Variants in RSRC1 observed in about 807,000 individuals in gnomAD.
RSRC1 encodes the protein arginine and serine rich coiled-coil 1.
Under a neutral mutation model 49.1 loss-of-function variants are expected in RSRC1, and 39 were observed. The ratio of observed to expected loss-of-function variants is 0.79; its 90% CI spans 0.61 to 1.04. The LOEUF (loss-of-function observed/expected upper bound fraction) is 1.04. Among genes scored for constraint, RSRC1 ranks in the 50% least tolerant of loss-of-function variants. The probability of loss-of-function intolerance (pLI) is 0.00; values close to 1 mark genes in which losing one functional copy is unlikely to be tolerated. For synonymous variants in RSRC1, 143 were observed against 130.8 expected, an observed-to-expected ratio of 1.09 and a Z score of -0.63; for missense variants, 388 against 402.4, an observed-to-expected ratio of 0.96 and a Z score of 0.31.
At chr3:158,251,473 T>C (rs1724205874) in intron 4 of RSRC1, among the ~76,000 whole-genome samples, 1 of 152,194 alleles carries the variant, frequency 6.6e-6, no homozygotes, top group Non-Finnish European at 1.5e-5. Flanking sequence ...TCCATTTTGT[T>C]ATGTCCTCTT....
At chr3:158,445,782 T>C (rs1736676988) in intron 6 of RSRC1, among the ~76,000 whole-genome samples, 3 of 152,166 alleles carry the variant, frequency 2.0e-5, no homozygotes, top group Non-Finnish European at 2.9e-5. Context: ...GACTATATTC[T>C]TTGATCCTTA....
intron 7 of RSRC1, chr3:158,497,082 G>A (rs1424379974): frequency 4.6e-5 from 7 of 151,988 alleles, no homozygotes; most frequent in South Asian, 2.1e-4. Context: ...AAATCTTACC[G>A]TCTTAACCAT....
chr3:158,281,681 C>G (rs1726179705), intron 4 of RSRC1, among the ~76,000 whole-genome samples: 1 of 152,146 alleles, frequency 6.6e-6, no homozygotes, highest in South Asian at 2.1e-4. Flanking sequence ...GGCTTATCAA[C>G]ATGAATATGA....
chr3:158,266,829 A>T (rs1446259764), intron 4 of RSRC1, among the ~76,000 whole-genome samples: 1 of 151,826 alleles, frequency 6.6e-6, no homozygotes, highest in East Asian at 1.9e-4. Context: ...CTCCTCCAAG[A>T]TCATATGATC....
chr3:158,427,554 T>A (rs952621999), intron 6 of RSRC1, among the ~76,000 whole-genome samples: 10 of 151,930 alleles, frequency 6.6e-5, no homozygotes, highest in African/African-American at 2.4e-4. Context: ...TTTTTTAATG[T>A]ATTTGTTAAT....
chr3:158,541,792 T>G (rs993595728), intron 8 of RSRC1, among the ~76,000 whole-genome samples: 2 of 152,214 alleles, frequency 1.3e-5, no homozygotes, highest in African/African-American at 2.4e-5. Context: ...CTAATCCATT[T>G]CATATTATCC....
chr3:158,468,240 T>C (rs1737978071), intron 7 of RSRC1, among the ~76,000 whole-genome samples: 1 of 152,132 alleles, frequency 6.6e-6, no homozygotes. Flanking sequence ...GCCAGAAAAA[T>C]TATTTTCTAC....
In RSRC1 at chr3:158,172,616, T is replaced by A. The variant is rs547856752; in HGVS notation, c.321-30456T>A. Among the ~76,000 whole-genome samples, 8 of 152,288 alleles carry A rather than the reference T, an allele frequency of 5.3e-5. 1 individual carries two copies. The South Asian group carries it at 1.7e-3, about 32-fold the overall frequency. On this transcript the variant is annotated intron_variant, in intron 3 of 9. Transcript: ENST00000611884. ...GGTTAAAAAGGTTAGCTAGCGTGTG[T>A]TTCTTCACATTTTCACCAGGGAATG...
chr3:158,280,881 A>G (rs919453218), intron 4 of RSRC1, among the ~76,000 whole-genome samples: 2 of 152,016 alleles, frequency 1.3e-5, no homozygotes, highest in Admixed American at 1.3e-4. Flanking sequence ...TCCTGAGCTC[A>G]GGCAATCCAC....
At chr3:158,118,357 C>T (rs1714988163) in intron 1 of RSRC1, among the ~76,000 whole-genome samples, 1 of 150,588 alleles carries the variant, frequency 6.6e-6, no homozygotes, top group Non-Finnish European at 1.5e-5. Context: ...CCTCAGCTTC[C>T]TGAATAGCTA....
At chr3:158,210,542 A>G (rs1195498095) in intron 4 of RSRC1, among the ~76,000 whole-genome samples, 2 of 151,676 alleles carry the variant, frequency 1.3e-5, no homozygotes, top group African/African-American at 4.8e-5. Flanking sequence ...ATCTTTATAT[A>G]CATGTGTGCA....
At position 158,325,622 on chromosome 3, in the gene RSRC1, G is replaced by A. The variant is rs183151030; in HGVS notation, c.531+27547G>A. ...TTGGTACCACTACCATGCTGTTTTG[G>A]TTACTGTAGCCTTGTAGTATTGTTT... On this transcript the variant is annotated intron_variant, in intron 5 of 9. Transcript: ENST00000611884. Among the ~76,000 whole-genome samples the A allele has an allele frequency of 2.0e-3, 303 of 152,244 alleles. 4 individuals carry two copies. Among genetic ancestry groups the A allele is most frequent in the Admixed American group, 0.019 (290 of 15,290 alleles).
intron 3 of RSRC1, among the ~76,000 whole-genome samples, chr3:158,153,343 C>G (rs1394999494): frequency 6.6e-6 from 1 of 152,072 alleles, no homozygotes; most frequent in Non-Finnish European, 1.5e-5. Flanking sequence ...TTCCCACCCC[C>G]CTATTTATTG....
rs1228005625 is a variant in RSRC1, at chr3:158,203,167, G to GTA, written c.417_418dup (p.Lys140IlefsTer36). On this transcript the variant is annotated frameshift_variant, in exon 4 of 10. Coordinates refer to ENST00000611884, the MANE Select transcript of RSRC1 (RefSeq NM_001271838.2). LOFTEE classifies it high-confidence loss of function. ...AGTCGGTCTCGGGATAGAGAACGACGTAAGGGCAGAGATAAAGAGAAAAGA... is the reference window on the plus strand; with the variant it reads ...AGTCGGTCTCGGGATAGAGAACGACGTATAAGGGCAGAGATAAAGAGAAAAGA... The GTA allele has an allele frequency of 6.2e-7, 1 of 1,613,316 alleles. No individual in the cohort carries two copies. The highest frequency in any genetic ancestry group is 8.5e-7 in the Non-Finnish European group (1 of 1,179,660).
chr3:158,529,214 G>GTGTATA (rs374368016), intron 7 of RSRC1, among the ~76,000 whole-genome samples: 5 of 143,150 alleles, frequency 3.5e-5, no homozygotes, highest in Non-Finnish European at 7.6e-5. Flanking sequence ...ATGTGTGTGT[G>GTGTATA]TATATATATA....
Position 158,543,494 on chromosome 3 carries a change from T to C in RSRC1, c.912+7T>C. The C allele has an allele frequency of 6.3e-7, 1 of 1,585,916 alleles. No homozygotes were observed. The highest frequency in any genetic ancestry group is 8.5e-7 in the Non-Finnish European group (1 of 1,169,994). On this transcript the variant is annotated splice_region_variant and intron_variant, in intron 9 of 9. Coordinates refer to ENST00000611884, the MANE Select transcript of RSRC1 (RefSeq NM_001271838.2). ...TTCCCTGGCCCATCCAAATGTAATA[T>C]CCTTAAACTTTACGAATGTCAGTTG...
At chr3:158,410,031 G>A (rs1197462926) in intron 6 of RSRC1, among the ~76,000 whole-genome samples, 1 of 152,040 alleles carries the variant, frequency 6.6e-6, no homozygotes, top group African/African-American at 2.4e-5. Flanking sequence ...ATATAGGAAA[G>A]TTTTACAGTC....
intron 4 of RSRC1, among the ~76,000 whole-genome samples, chr3:158,266,148 A>T (rs1725162557): frequency 6.6e-6 from 1 of 152,162 alleles, no homozygotes; most frequent in African/African-American, 2.4e-5. Flanking sequence ...CAAAATTAAT[A>T]GTGTTTGTTC....
At chr3:158,250,323 A>G (rs1724137278) in intron 4 of RSRC1, among the ~76,000 whole-genome samples, 1 of 152,186 alleles carries the variant, frequency 6.6e-6, no homozygotes, top group South Asian at 2.1e-4. Context: ...TCTTTTGGTT[A>G]TATACCTAGC....
Sources: allele counts gnomAD v4.1 joint callset (sites outside exome capture counted in the v4.1 genomes callset), GRCh38; gene constraint gnomAD v4.1.1; transcripts MANE v1.5; gene names NCBI Gene and HGNC (gene_info 2026-07-23, HGNC 2026-07-21).